The following DGKD variants were observed in gnomAD, a reference collection of about 807,000 sequenced individuals.
DGKD encodes the protein DAG kinase delta.
A neutral mutation model predicts 154.4 loss-of-function variants in DGKD; 68 were observed. That is an observed-to-expected ratio of 0.44 (90% CI 0.36 to 0.54). The LOEUF is 0.54. Among genes scored for constraint, DGKD ranks in the 20% least tolerant of loss-of-function variants. DGKD has a pLI of 0.00. For synonymous variants in DGKD, 693 were observed against 638.0 expected (o/e 1.09, Z -1.30); for missense variants, 1,343 against 1,593.6 (o/e 0.84, Z 2.68).
intron 1 of DGKD, among the ~76,000 whole-genome samples, chr2:233,355,249 C>T (rs566589172): frequency 6.6e-6 from 1 of 152,336 alleles, no homozygotes; most frequent in South Asian, 2.1e-4. Context: ...CCGTCTCTCT[C>T]AGCAAAGCCG....
rs114273702 is a variant in DGKD at position 233,469,305 on chromosome 2, C to T, written c.3556-66C>T. 9.9e-4 allele frequency: 1,403 copies of T among 1,417,060 alleles called. 11 individuals are homozygous for T. In the African/African-American group the frequency reaches 0.017, roughly 17 times the overall value. 87.8% of individuals were successfully genotyped at this position (1,417,060 alleles called of 1,614,324 possible). A position where few individuals can be genotyped will look rare whatever the true frequency, so the allele number is the denominator to read the frequency against. On this transcript the variant is annotated intron_variant, in intron 29 of 29. Coordinates refer to ENST00000264057, the MANE Select transcript of DGKD (RefSeq NM_152879.3). Reference sequence around the variant, plus strand: ...AATGGGAAGGGCCGTTGTGGCAGGCCTGCTGTGGAGCCCTCTGGCCCTGGC... The same window carrying T: ...AATGGGAAGGGCCGTTGTGGCAGGCTTGCTGTGGAGCCCTCTGGCCCTGGC...
intron 1 of DGKD, among the ~76,000 whole-genome samples, chr2:233,358,951 C>T (rs928323990): frequency 1.7e-4 from 26 of 152,258 alleles, no homozygotes; most frequent in African/African-American, 3.9e-4. Flanking sequence ...GTAATACTAC[C>T]GGACTATTTT....
chr2:233,419,227 C>G (rs2125539344), intron 3 of DGKD: 1 of 985,718 alleles, frequency 1.0e-6, no homozygotes, highest in Non-Finnish European at 1.2e-6. Flanking sequence ...GCCCCCAGCA[C>G]CGTCCCTTTG....
intron 1 of DGKD, among the ~76,000 whole-genome samples, chr2:233,363,463 A>T (rs1218926237): frequency 6.6e-6 from 1 of 152,252 alleles, no homozygotes; most frequent in Non-Finnish European, 1.5e-5. Flanking sequence ...AATTAAATTA[A>T]AAGTTTATAA....
chr2:233,403,544 G>A (rs948594510), intron 3 of DGKD, among the ~76,000 whole-genome samples: 9 of 151,870 alleles, frequency 5.9e-5, no homozygotes, highest in African/African-American at 2.2e-4. Context: ...CTGGGCGACA[G>A]AACAAGACTC....
intron 3 of DGKD, chr2:233,429,062 GT>G (rs2062417113): frequency 1.1e-6 from 1 of 947,334 alleles, no homozygotes; most frequent in East Asian, 1.2e-4. Context: ...TTGCTGTCTA[GT>G]AGTGCCCAAT....
chr2:233,453,098 G>T (rs1305678565), intron 18 of DGKD, among the ~76,000 whole-genome samples: 1 of 152,160 alleles, frequency 6.6e-6, no homozygotes, highest in Admixed American at 6.5e-5. Context: ...CCCCTGAACT[G>T]GATATCTCCT....
chr2:233,446,911 TCA>T, intron 12 of DGKD, 115 bp downstream of exon 12: 1 of 1,241,258 alleles, frequency 8.1e-7, no homozygotes, highest in East Asian at 2.5e-5. Context: ...TGTTGGGGTG[TCA>T]CAGTCAGGCC....
intron 1 of DGKD, 45 bp from the exon 2 acceptor site, chr2:233,388,212 G>A (rs1249842380): frequency 1.3e-6 from 2 of 1,594,304 alleles, no homozygotes; most frequent in Non-Finnish European, 1.7e-6. Context: ...GAGTGAAAGG[G>A]CACCTTGAAA....
chr2:233,399,920 TTTTA>T (rs1157568661), intron 3 of DGKD, among the ~76,000 whole-genome samples: 2 of 152,128 alleles, frequency 1.3e-5, no homozygotes, highest in African/African-American at 4.8e-5. Flanking sequence ...TTGTTGGTAC[TTTTA>T]TTTGTTTTGG....
chr2:233,437,334 A>G (rs1185463326), intron 7 of DGKD, 43 bp from the exon 8 acceptor site: 4 of 1,567,680 alleles, frequency 2.6e-6, no homozygotes, highest in Non-Finnish European at 2.6e-6. Flanking sequence ...GTGTGTGTGA[A>G]GGATGCCAGT....
At position 233,445,809 on chromosome 2, in the gene DGKD, C is replaced by T. The variant is rs2063048429; in HGVS notation, c.1334+47C>T. The stretch of plus-strand genomic sequence containing the variant: ...TGCCGTATGAGGAGACTTTGAGAGA[C>T]AGGTCCCTTTGACCAGGTGTTCTTA... On this transcript the variant is annotated intron_variant, in intron 11 of 29. Transcript: ENST00000264057. The surrounding 1 kb of genome is among the most constrained non-coding windows in gnomAD (Gnocchi z 5.5). 1.9e-6 allele frequency: 3 copies of T among 1,539,944 alleles called. No individual in the cohort carries two copies. The highest frequency in any genetic ancestry group is 2.3e-5 in the East Asian group (1 of 42,616).
chr2:233,434,700 T>A (rs1371357699), intron 4 of DGKD, 69 bp from the exon 5 acceptor site: 2 of 1,574,432 alleles, frequency 1.3e-6, no homozygotes, highest in African/African-American at 2.7e-5. Flanking sequence ...TTTAATCTTG[T>A]CCAAGTTACT....
intron 3 of DGKD, among the ~76,000 whole-genome samples, chr2:233,433,256 A>G (rs1457928620): frequency 6.6e-6 from 1 of 152,262 alleles, no homozygotes; most frequent in Non-Finnish European, 1.5e-5. Context: ...CTATTTAGCC[A>G]TGAAAAAGAA....
Position 233,434,501 on chromosome 2 carries a change from C to T in DGKD, c.453+17C>T, listed in dbSNP as rs930624260. 6.2e-7 allele frequency: 1 copy of T among 1,608,408 alleles called. No homozygotes were observed. The highest frequency in any genetic ancestry group is 1.3e-5 in the African/African-American group (1 of 74,802). On this transcript the variant is annotated intron_variant, in intron 4 of 29. Transcript: ENST00000264057. The stretch of plus-strand genomic sequence containing the variant: ...CACTTTGAGGTTAAAAAAGAAAATA[C>T]CCTTCTCCAAATGCCTCCTGTTGCC...
At chr2:233,461,527 C>A (rs999700300) in intron 24 of DGKD, among the ~76,000 whole-genome samples, 3 of 152,196 alleles carry the variant, frequency 2.0e-5, no homozygotes, top group South Asian at 2.1e-4. Flanking sequence ...GCCACTGCGG[C>A]CCCTGTCCTC....
At position 233,448,326 on chromosome 2, in the gene DGKD, A is replaced by T; in HGVS notation, c.1565A>T (p.Tyr522Phe). 4 of 1,614,100 alleles carry T rather than the reference A, an allele frequency of 2.5e-6. No homozygotes were observed. The highest frequency in any genetic ancestry group is 3.4e-6 in the Non-Finnish European group (4 of 1,180,004). The part of the protein sequence containing the change: ...KDFVARVGKA[Y>F]EKTTESSEES... ...TTCGTGGCACGGGTGGGGAAGGCCT[A>T]TGAGAAGACGACCGAGAGCTCGGAG... is the stretch of plus-strand genomic sequence containing the variant. Residue 522 changes from tyrosine (Y) to phenylalanine (F), a missense_variant, in exon 14 of 30, where the codon TAT becomes TTT. Physicochemically the swap from Tyr to Phe is conservative, Grantham distance 22. Transcript: ENST00000264057.
chr2:233,467,019 T>G, intron 27 of DGKD, 67 bp from the exon 28 acceptor site: 5 of 1,292,888 alleles, frequency 3.9e-6, no homozygotes, highest in East Asian at 2.3e-5. Flanking sequence ...GCCTCTCTGG[T>G]GGAGATGGGC....
intron 3 of DGKD, among the ~76,000 whole-genome samples, chr2:233,393,334 CTTT>C (rs61587988): frequency 2.3e-4 from 24 of 103,818 alleles, no homozygotes; most frequent in Admixed American, 3.2e-4. Flanking sequence ...GGCCTGTTTC[CTTT>C]TTTTTTTTTT....
Sources: gnomAD v4.1 joint callset for allele counts (sites outside exome capture counted in the v4.1 genomes callset) on GRCh38, gnomAD v4.1.1 for gene constraint, Gnocchi (gnomAD v3.1) non-coding constraint, MANE v1.5 for transcripts, NCBI Gene and HGNC (gene_info 2026-07-23, HGNC 2026-07-21) for gene names.